The following PPP2R5A variants were observed in gnomAD, a reference collection of about 807,000 sequenced individuals.
PPP2R5A encodes the protein serine/threonine-protein phosphatase 2A 56 kDa regulatory subunit alpha isoform.
In PPP2R5A, 25 loss-of-function variants were observed where a neutral mutation model predicts 64.2. That is an observed-to-expected ratio of 0.39 (90% CI 0.28 to 0.54). The LOEUF (loss-of-function observed/expected upper bound fraction) is 0.54. Among genes scored for constraint, PPP2R5A ranks in the 20% least tolerant of loss-of-function variants. PPP2R5A has a pLI of 0.67. For synonymous variants in PPP2R5A, 198 were observed against 201.2 expected (o/e 0.98, Z 0.13); for missense variants, 425 against 576.3 (o/e 0.74, Z 2.69).
At chr1:212,348,993 T>G (rs935763910) in intron 7 of PPP2R5A, among the ~76,000 whole-genome samples, 196 bp from the exon 8 acceptor site, 3 of 152,190 alleles carry the variant, frequency 2.0e-5, no homozygotes, top group Non-Finnish European at 2.9e-5. Context: ...CTTTCAAGGC[T>G]AAAAAGTTAC....
chr1:212,319,969 ATTGATCATTC>A (rs1659237916), intron 1 of PPP2R5A, among the ~76,000 whole-genome samples: 1 of 29,552 alleles, frequency 3.4e-5, no homozygotes, highest in South Asian at 9.2e-4. Flanking sequence ...TTTTTTTTTT[ATTGATCATTC>A]TTGGGTGTTT....
At chr1:212,334,587 A>G (rs1659559779) in intron 3 of PPP2R5A, among the ~76,000 whole-genome samples, 1 of 152,110 alleles carries the variant, frequency 6.6e-6, no homozygotes, top group South Asian at 2.1e-4. Context: ...ATTAATGACA[A>G]ATTCTTTCAG....
chr1:212,335,248 G>C (rs999677482), intron 3 of PPP2R5A, among the ~76,000 whole-genome samples: 60 of 152,250 alleles, frequency 3.9e-4, no homozygotes, highest in African/African-American at 1.3e-3. Flanking sequence ...GGGAGGCCAA[G>C]CTGGGTGGAT....
chr1:212,315,002 C>T (rs1254518394), intron 1 of PPP2R5A, among the ~76,000 whole-genome samples: 1 of 152,206 alleles, frequency 6.6e-6, no homozygotes, highest in Non-Finnish European at 1.5e-5. Context: ...CCACCACGCC[C>T]AGCCTAATAA....
At chr1:212,320,186 T>G (rs964411229) in intron 1 of PPP2R5A, among the ~76,000 whole-genome samples, 2 of 151,904 alleles carry the variant, frequency 1.3e-5, no homozygotes, top group Admixed American at 6.6e-5. Flanking sequence ...GTTTAACAAA[T>G]CACATCTTGC....
chr1:212,316,300 C>A (rs1196893916), intron 1 of PPP2R5A, among the ~76,000 whole-genome samples: 3 of 152,196 alleles, frequency 2.0e-5, no homozygotes, highest in Non-Finnish European at 4.4e-5. Context: ...AAAAGTGCTA[C>A]TCCAGTGACC....
chr1:212,321,140 C>T (rs1376244114), intron 1 of PPP2R5A, among the ~76,000 whole-genome samples: 2 of 143,096 alleles, frequency 1.4e-5, no homozygotes, highest in Non-Finnish European at 3.1e-5. Flanking sequence ...GTAGGGGCGG[C>T]CGGCAGAGGC....
In PPP2R5A at chr1:212,297,129, TTTTTTTTTTG is replaced by T. The variant is rs1658711803; in HGVS notation, c.181+10839_181+10848del. Among the ~76,000 whole-genome samples, 16 of 11,584 alleles carry T rather than the reference TTTTTTTTTTG, an allele frequency of 1.4e-3. 4 individuals carry two copies. Among genetic ancestry groups the T allele is most frequent in the African/African-American group, 9.3e-3 (15 of 1,616 alleles). 7.6% of individuals were successfully genotyped at this position (11,584 alleles called of 152,430 possible). A position where few individuals can be genotyped will look rare whatever the true frequency, so the allele number is the denominator to read the frequency against. On this transcript the variant is annotated intron_variant, in intron 1 of 12. Coordinates refer to ENST00000261461, the MANE Select transcript of PPP2R5A (RefSeq NM_006243.4). ...TTTTTTTTTTTTTTTTTTTTTTTTT[TTTTTTTTTTG>T]GAGACGGAGTCTCACTCTATCGCCC...
chr1:212,321,095 G>T (rs1659276741), intron 1 of PPP2R5A, among the ~76,000 whole-genome samples: 1 of 128,536 alleles, frequency 7.8e-6, no homozygotes, highest in Admixed American at 7.3e-5. Context: ...CCCGGACGGG[G>T]CGGCTGGCCG....
intron 1 of PPP2R5A, among the ~76,000 whole-genome samples, chr1:212,307,990 A>G (rs1052341918): frequency 6.6e-6 from 1 of 152,000 alleles, no homozygotes; most frequent in Non-Finnish European, 1.5e-5. Context: ...TTCTTGCCTC[A>G]GAATATCTGC....
At chr1:212,323,909 TAAAAATAG>T (rs1456036108) in intron 1 of PPP2R5A, among the ~76,000 whole-genome samples, 2 of 151,864 alleles carry the variant, frequency 1.3e-5, no homozygotes, top group African/African-American at 4.8e-5. Context: ...CCGTCTCTAC[TAAAAATAG>T]AAAAATTAGC....
At position 212,326,995 on chromosome 1, in the gene PPP2R5A, G is replaced by T. The variant is rs79857473; in HGVS notation, c.182-2140G>T. Among the ~76,000 whole-genome samples, 901 of 152,296 alleles carry T rather than the reference G, an allele frequency of 5.9e-3. 5 individuals are homozygous for T. The highest frequency in any genetic ancestry group is 0.021 in the African/African-American group (865 of 41,548). On this transcript the variant is annotated intron_variant, in intron 1 of 12. Transcript: ENST00000261461. ...TGCTTAGAATACCTGACCTACTACG[G>T]TTCAGCAGTACCTTATCTAAATCAG...
At chr1:212,342,317 A>G (rs1571605114) in intron 4 of PPP2R5A, 37 bp downstream of exon 4, 4 of 1,589,194 alleles carry the variant, frequency 2.5e-6, no homozygotes, top group Non-Finnish European at 1.7e-6. Context: ...TCATATATTC[A>G]TCTTAGCAAT....
At chr1:212,344,186 C>A (rs2218450) in intron 4 of PPP2R5A, among the ~76,000 whole-genome samples, 10,199 of 152,194 alleles carry the variant, frequency 0.067, 1,121 homozygotes, top group African/African-American at 0.23. Context: ...GTTGGCCAGG[C>A]CGGTATCAAA....
chr1:212,330,874 G>T (rs534889704), intron 2 of PPP2R5A, among the ~76,000 whole-genome samples: 88 of 146,370 alleles, frequency 6.0e-4, no homozygotes, highest in African/African-American at 2.1e-3. Flanking sequence ...TTTTTTTTTT[G>T]GAGACAGAGT....
chr1:212,293,982 C>T (rs1302897629), intron 1 of PPP2R5A, among the ~76,000 whole-genome samples: 2 of 152,044 alleles, frequency 1.3e-5, no homozygotes, highest in African/African-American at 4.8e-5. Flanking sequence ...TTTTAAAACC[C>T]TTATTCTCTC....
chr1:212,309,301 T>G, intron 1 of PPP2R5A: 1 of 1,531,318 alleles, frequency 6.5e-7, no homozygotes, highest in Admixed American at 1.7e-5. Context: ...GATAGCATAG[T>G]GGTCAAGTTT....
intron 3 of PPP2R5A, among the ~76,000 whole-genome samples, chr1:212,341,731 GTTTA>G (rs148821674): frequency 0.024 from 3,663 of 151,978 alleles, 156 homozygotes; most frequent in African/African-American, 0.082. Flanking sequence ...AGGTTTGTTT[GTTTA>G]TTTATTTATT....
At chr1:212,295,523 G>A (rs1363132583) in intron 1 of PPP2R5A, among the ~76,000 whole-genome samples, 1 of 152,306 alleles carries the variant, frequency 6.6e-6, no homozygotes, top group Middle Eastern at 3.4e-3. Context: ...TGGAGCAATG[G>A]AAGTAGAAGC....
Sources: allele counts gnomAD v4.1 joint callset (sites outside exome capture counted in the v4.1 genomes callset), GRCh38; gene constraint gnomAD v4.1.1; transcripts MANE v1.5; gene names NCBI Gene and HGNC (gene_info 2026-07-23, HGNC 2026-07-21).